GNPTAB: variants seen among roughly 807,000 people sequenced by gnomAD.
The protein encoded by GNPTAB is N-acetylglucosamine-1-phosphotransferase subunits alpha/beta.
Under a neutral mutation model 136.6 loss-of-function variants are expected in GNPTAB, and 92 were observed. The ratio of observed to expected loss-of-function variants is 0.67; its 90% CI spans 0.57 to 0.80. GNPTAB has a LOEUF of 0.80. Among genes scored for constraint, GNPTAB ranks in the 30% least tolerant of loss-of-function variants. The pLI, the probability that GNPTAB is intolerant of heterozygous loss-of-function variation, is 0.00. For missense variants in GNPTAB, 1,343 were observed against 1,501.8 expected (o/e 0.89, Z 1.75); for synonymous variants, 512 against 535.1 (o/e 0.96, Z 0.60).
chr12:101,777,561 C>T (rs1278899860), intron 7 of GNPTAB, among the ~76,000 whole-genome samples: 1 of 152,178 alleles, frequency 6.6e-6, no homozygotes, highest in Non-Finnish European at 1.5e-5. Context: ...AATGGCTGCT[C>T]TGTTTAGGGC....
intron 7 of GNPTAB, chr12:101,779,838 G>A (rs888328311): frequency 1.3e-4 from 49 of 386,260 alleles, no homozygotes; most frequent in Middle Eastern, 1.7e-3. Context: ...CACCCTGAAC[G>A]CACCCGATCT....
intron 1 of GNPTAB, among the ~76,000 whole-genome samples, chr12:101,820,733 C>A (rs1320727866): frequency 6.6e-6 from 1 of 152,154 alleles, no homozygotes; most frequent in East Asian, 1.9e-4. Context: ...TTCTTACCCT[C>A]TACGGTTGAA....
chr12:101,753,619 A>G, intron 18 of GNPTAB, 80 bp from the exon 19 acceptor site: 1 of 1,123,180 alleles, frequency 8.9e-7, no homozygotes, highest in South Asian at 1.3e-5. Context: ...GATTCCAAAT[A>G]TATTTTAAAT....
At chr12:101,767,997 T>C (rs1463432303) in intron 11 of GNPTAB, 40 bp downstream of exon 11, 6 of 1,601,608 alleles carry the variant, frequency 3.7e-6, no homozygotes, top group Non-Finnish European at 4.3e-6. Context: ...AAGAAAATAT[T>C]CCATAAAAAT....
At chr12:101,771,836 G>A (rs142461715) in intron 7 of GNPTAB, among the ~76,000 whole-genome samples, 1 of 152,192 alleles carries the variant, frequency 6.6e-6, no homozygotes, top group Non-Finnish European at 1.5e-5. Context: ...AAGTACACCT[G>A]CTGGCCAACA....
chr12:101,782,126 A>C (rs1868380696), intron 5 of GNPTAB, among the ~76,000 whole-genome samples: 1 of 152,210 alleles, frequency 6.6e-6, no homozygotes, highest in Admixed American at 6.5e-5. Flanking sequence ...GGAAGATGGC[A>C]GAGAAGCTAT....
chr12:101,830,749 C>G lies in GNPTAB; in HGVS notation c.-74G>C. On this transcript the variant is annotated 5_prime_UTR_variant, in exon 1 of 21. Coordinates refer to ENST00000299314, the MANE Select transcript of GNPTAB (RefSeq NM_024312.5). Reference sequence around the variant, plus strand: ...CCGCCGCCGCCGCCTCAGCGAGCCGCCATTCAGGGGCCCCGGTCGGGCCGC... The same window carrying G: ...CCGCCGCCGCCGCCTCAGCGAGCCGGCATTCAGGGGCCCCGGTCGGGCCGC... 1 of 943,180 alleles carries G rather than the reference C, an allele frequency of 1.1e-6. No homozygotes were observed. Among genetic ancestry groups the G allele is most frequent in the Admixed American group, 2.1e-5 (1 of 48,032 alleles). The allele number at this position is 943,180 out of a possible 1,614,324, so 58.4% of individuals were successfully genotyped here.
Position 101,767,586 on chromosome 12 carries a change from G to T in GNPTAB, c.1408+451C>A, listed in dbSNP as rs11111012. The stretch of plus-strand genomic sequence containing the variant: ...CAACAATGAATAAACTGGGCCACAT[G>T]AGGGCACTAATTACCACCTCCAAAG... On this transcript the variant is annotated intron_variant, in intron 11 of 20. Coordinates refer to ENST00000299314, the MANE Select transcript of GNPTAB (RefSeq NM_024312.5). 0.022 allele frequency among the ~76,000 whole-genome samples: 3,333 copies of T among 152,256 alleles called. 340 individuals carry two copies. In the East Asian group the frequency reaches 0.31, roughly 14 times the overall value.
intron 2 of GNPTAB, 142 bp downstream of exon 2, chr12:101,796,535 A>G: frequency 1.5e-6 from 1 of 667,722 alleles, no homozygotes; most frequent in South Asian, 1.7e-5. Flanking sequence ...TAAAGTGAAC[A>G]CATCAGATGG....
At chr12:101,765,590 T>C (rs1953078803) in intron 12 of GNPTAB, 1 of 424,056 alleles carries the variant, frequency 2.4e-6, no homozygotes. Context: ...ATAGGGCTTA[T>C]TTCACTATCT....
rs1953000723 is a variant in GNPTAB at position 101,761,751 on chromosome 12, A to G, written c.2728T>C (p.Leu910=). The G allele has an allele frequency of 6.2e-7, 1 of 1,611,778 alleles. No homozygotes were observed. Among genetic ancestry groups the G allele is most frequent in the Non-Finnish European group, 8.5e-7 (1 of 1,177,940 alleles). Residue 910 remains leucine, a synonymous_variant, in exon 14 of 21, where the codon TTG becomes CTG. Coordinates refer to ENST00000299314, the MANE Select transcript of GNPTAB (RefSeq NM_024312.5). ...GTGAAGTATGCCAATTGTGTCTTCAATGACTCTTCTTCCTGAAAAGAGAAT... is the reference window on the plus strand; with the variant it reads ...GTGAAGTATGCCAATTGTGTCTTCAGTGACTCTTCTTCCTGAAAAGAGAAT... ...FQDLLDEEES[L]KTQLAYFTDS...
Position 101,827,049 on chromosome 12 carries a change from G to C in GNPTAB, c.117+3510C>G, listed in dbSNP as rs1345587540. ...CTGCACCTCAAACTCCTGGGCTCAA[G>C]CAACACTCCTGCCACAGCCTCCTGC... On this transcript the variant is annotated intron_variant, in intron 1 of 20. Coordinates refer to ENST00000299314, the MANE Select transcript of GNPTAB (RefSeq NM_024312.5). Among the ~76,000 whole-genome samples the C allele has an allele frequency of 3.5e-5, 5 of 140,924 alleles. No individual in the cohort carries two copies. The Admixed American group carries it at 3.8e-4, about 11-fold the overall frequency. 92.5% of individuals were successfully genotyped at this position (140,924 alleles called of 152,430 possible).
chr12:101,816,357 C>A (rs1870509037), intron 1 of GNPTAB, among the ~76,000 whole-genome samples: 2 of 151,872 alleles, frequency 1.3e-5, no homozygotes, highest in South Asian at 2.1e-4. Context: ...ATAAAAAAAC[C>A]CAAATAATCT....
intron 13 of GNPTAB, among the ~76,000 whole-genome samples, chr12:101,763,117 G>C (rs1953026694): frequency 6.6e-6 from 1 of 151,640 alleles, no homozygotes; most frequent in Non-Finnish European, 1.5e-5. Flanking sequence ...AGCCACTCAG[G>C]AGGCTGAGAC....
At chr12:101,766,776 A>C (rs529739807) in intron 11 of GNPTAB, among the ~76,000 whole-genome samples, 1 of 152,224 alleles carries the variant, frequency 6.6e-6, no homozygotes, top group African/African-American at 2.4e-5. Flanking sequence ...AATAAACGTA[A>C]AAGGGAGTCA....
At chr12:101,808,118 AAAG>A (rs1186721281) in intron 1 of GNPTAB, among the ~76,000 whole-genome samples, 2 of 152,210 alleles carry the variant, frequency 1.3e-5, no homozygotes, top group Admixed American at 6.5e-5. Flanking sequence ...GGAAACAATC[AAAG>A]AAGATCCAAA....
intron 7 of GNPTAB, among the ~76,000 whole-genome samples, chr12:101,777,356 A>G (rs1953275819): frequency 6.6e-6 from 1 of 152,202 alleles, no homozygotes; most frequent in Non-Finnish European, 1.5e-5. Context: ...AAAATCTAGT[A>G]TTCTTAACAG....
rs1282414718 is a variant in GNPTAB at position 101,783,041 on chromosome 12, G to C, written c.572-2420C>G. Among the ~76,000 whole-genome samples the C allele has an allele frequency of 2.7e-5, 4 of 150,220 alleles. No homozygotes were observed. The East Asian group carries it at 7.9e-4, about 30-fold the overall frequency. ...ACTTCCTCTGCTGCTGCCCCTGCTT[G>C]GTTTTTTTCTAAAGCATTATCTTCT... On this transcript the variant is annotated intron_variant, in intron 5 of 20. Coordinates refer to ENST00000299314, the MANE Select transcript of GNPTAB (RefSeq NM_024312.5).
chr12:101,792,932 G>A (rs1869075459), intron 2 of GNPTAB, among the ~76,000 whole-genome samples: 2 of 152,104 alleles, frequency 1.3e-5, no homozygotes, highest in Admixed American at 1.3e-4. Context: ...AAATTCTAAT[G>A]TTTGTAGAAT....
Sources: allele counts gnomAD v4.1 joint callset (sites outside exome capture counted in the v4.1 genomes callset), GRCh38; gene constraint gnomAD v4.1.1; transcripts MANE v1.5; gene names NCBI Gene and HGNC (gene_info 2026-07-23, HGNC 2026-07-21).